CACNA1S: variants seen among roughly 807,000 people sequenced by gnomAD.
CACNA1S encodes voltage-dependent L-type calcium channel subunit alpha-1S.
In CACNA1S, 126 loss-of-function variants were observed where a neutral mutation model predicts 207.4. The observed-to-expected ratio is 0.61, with a 90% CI of 0.53 to 0.70. The LOEUF is 0.70. Ranked by LOEUF, CACNA1S falls within the 30% of genes least tolerant of loss-of-function variation. The probability of loss-of-function intolerance (pLI) is 0.00; values close to 1 mark genes in which losing one functional copy is unlikely to be tolerated. For synonymous variants in CACNA1S, 960 were observed against 932.7 expected, an observed-to-expected ratio of 1.03 and a Z score of -0.53; for missense variants, 2,349 against 2,422.8, an observed-to-expected ratio of 0.97 and a Z score of 0.64.
In CACNA1S at chr1:201,089,256, A is replaced by C; in HGVS notation, c.900+2T>G. The C allele has an allele frequency of 6.2e-7, 1 of 1,614,100 alleles. No individual in the cohort carries two copies. The highest frequency in any genetic ancestry group is 8.5e-7 in the Non-Finnish European group (1 of 1,179,916). On this transcript the variant is annotated splice_donor_variant, in intron 6 of 43. Transcript: ENST00000362061. LOFTEE classifies it high-confidence loss of function. Reference sequence around the variant, plus strand: ...GTTCTGCAGGCGCGGGCCCAGACCCACCCAGTAAAGGACGTCAGTCCATCC... The same window carrying C: ...GTTCTGCAGGCGCGGGCCCAGACCCCCCCAGTAAAGGACGTCAGTCCATCC...
In CACNA1S at chr1:201,092,025, G is replaced by A; in HGVS notation, c.488C>T (p.Ala163Val). ...TCTGAGCACTCGGAAGGCTCTGAGG[G>A]CCTTGACATCCAAGCCGGCTCCTTT... ...SSKGAGLDVK[A>V]LRAFRVLRPL... The change falls in exon 4 of 44, where the codon GCC becomes GTC. Residue 163 changes from alanine (A) to valine (V), a missense_variant. Ala to Val is a moderately conservative substitution (Grantham distance 64). Coordinates refer to ENST00000362061, the MANE Select transcript of CACNA1S (RefSeq NM_000069.3). 1.2e-6 allele frequency: 2 copies of A among 1,614,120 alleles called. No homozygotes were observed. The highest frequency in any genetic ancestry group is 1.7e-6 in the Non-Finnish European group (2 of 1,180,014).
rs1338661713 is a variant in CACNA1S, at chr1:201,091,717, A to G, written c.617T>C (p.Met206Thr). 2 of 1,614,124 alleles carry G rather than the reference A, an allele frequency of 1.2e-6. No homozygotes were observed. The highest frequency in any genetic ancestry group is 1.7e-6 in the Non-Finnish European group (2 of 1,179,954). ...CCCGATGATGGCATAGATGATGACC[A>G]TAAAGAGGACCAGCAGGGCGATGTG... ...LFHIALLVLF[M>T]VIIYAIIGLE... is the part of the protein sequence containing the mutation. The change falls in exon 5 of 44, where the codon ATG (methionine) becomes ACG (threonine). Residue 206 changes from methionine (M) to threonine (T), a missense_variant. Physicochemically the swap from Met to Thr is moderately conservative, Grantham distance 81 (BLOSUM62 -1). Coordinates refer to ENST00000362061, the MANE Select transcript of CACNA1S (RefSeq NM_000069.3).
chr1:201,054,833 A>G (rs1660781088), intron 28 of CACNA1S, among the ~76,000 whole-genome samples: 1 of 152,178 alleles, frequency 6.6e-6, no homozygotes, highest in South Asian at 2.1e-4. Flanking sequence ...ATCCCTTCTC[A>G]TTTTGGAGAT....
At chr1:201,109,068 C>T (rs972463202) in intron 2 of CACNA1S, among the ~76,000 whole-genome samples, 3 of 152,006 alleles carry the variant, frequency 2.0e-5, no homozygotes, top group Admixed American at 6.5e-5. Flanking sequence ...GCCAACATGG[C>T]GAAACCCCAT....
intron 41 of CACNA1S, among the ~76,000 whole-genome samples, chr1:201,041,148 C>T (rs573155142): frequency 1.3e-5 from 2 of 152,280 alleles, no homozygotes; most frequent in South Asian, 2.1e-4. Context: ...AGAGTCAAGA[C>T]GTCAGTGTGT....
chr1:201,044,172 C>T (rs1214904852), intron 39 of CACNA1S, among the ~76,000 whole-genome samples, 156 bp downstream of exon 39: 1 of 152,038 alleles, frequency 6.6e-6, no homozygotes, highest in African/African-American at 2.4e-5. Context: ...GATTCTGAGT[C>T]CCAGGAGAGG....
chr1:201,066,968 T>C lies in CACNA1S; in HGVS notation c.2576A>G (p.His859Arg). Residue 859 changes from histidine to arginine, a missense_variant, in exon 20 of 44, where the codon CAC (histidine) becomes CGC (arginine). His to Arg is a conservative substitution (Grantham distance 29). Coordinates refer to ENST00000362061, the MANE Select transcript of CACNA1S (RefSeq NM_000069.3). The surrounding 1 kb of genome is among the most constrained non-coding windows in gnomAD (Gnocchi z 4.3). ...GTAATTGCGGCAGAAGGAACCCTTG[T>C]GCAGGAAGGCTCCGTAGGTCGTCAT... ...LKMTTYGAFL[H>R]KGSFCRNYFN... is the part of the protein sequence containing the mutation. The C allele has an allele frequency of 1.2e-6, 2 of 1,614,116 alleles. No homozygotes were observed. The highest frequency in any genetic ancestry group is 1.1e-5 in the South Asian group (1 of 91,070).
chr1:201,074,929 T>C (rs775453620), intron 13 of CACNA1S, among the ~76,000 whole-genome samples: 4 of 152,210 alleles, frequency 2.6e-5, no homozygotes, highest in African/African-American at 4.8e-5. Context: ...GAGGCACACA[T>C]GAGTTGGGGA....
chr1:201,073,615 C>T lies in CACNA1S; in HGVS notation c.2091G>A (p.Glu697=). 6.2e-7 allele frequency: 1 copy of T among 1,614,226 alleles called. No individual in the cohort carries two copies. Among genetic ancestry groups the T allele is most frequent in the Non-Finnish European group, 8.5e-7 (1 of 1,180,030 alleles). The change falls in exon 15 of 44, where the codon GAG becomes GAA. Residue 697 remains glutamate (E), a synonymous_variant. Coordinates refer to ENST00000362061, the MANE Select transcript of CACNA1S (RefSeq NM_000069.3). ...SKGLPDKSEE[E]KSTMAKKLEQ... is the part of the protein sequence containing the mutation. The stretch of plus-strand genomic sequence containing the variant: ...CCAGCTTCTTGGCCATCGTTGACTT[C>T]TCCTCTTCTGACTTGTCTGGGAGAC...
At chr1:201,093,497 C>T (rs991470215) in intron 3 of CACNA1S, among the ~76,000 whole-genome samples, 45 of 152,260 alleles carry the variant, frequency 3.0e-4, no homozygotes, top group African/African-American at 1.1e-3. Flanking sequence ...TTTTGTGAAC[C>T]CAAATAACAG....
rs369449238 is a variant in CACNA1S, at chr1:201,073,525, A to C, written c.2157+24T>G. 20 of 1,582,414 alleles carry C rather than the reference A, an allele frequency of 1.3e-5. No homozygotes were observed. The African/African-American group carries it at 2.4e-4, about 19-fold the overall frequency. ...TTGGAAGAGCCCCTAGACTGCCTCT[A>C]ACATCCCCACCTGAGGTGCTCACCT... On this transcript the variant is annotated intron_variant, in intron 15 of 43. Transcript: ENST00000362061.
intron 28 of CACNA1S, 136 bp downstream of exon 28, chr1:201,058,272 C>A (rs1464358122): frequency 1.3e-6 from 1 of 774,698 alleles, no homozygotes; most frequent in African/African-American, 1.7e-5. Flanking sequence ...AGGGCAGAAG[C>A]CGTGACTTGT....
chr1:201,055,728 A>G (rs1558059281), intron 28 of CACNA1S, among the ~76,000 whole-genome samples: 1 of 152,124 alleles, frequency 6.6e-6, no homozygotes, highest in South Asian at 2.1e-4. Flanking sequence ...CCTGGTTTGT[A>G]CATCAGGTAT....
intron 31 of CACNA1S, 137 bp from the exon 32 acceptor site, chr1:201,052,785 G>A (rs1314444187): frequency 6.9e-6 from 5 of 724,884 alleles, no homozygotes; most frequent in Admixed American, 2.2e-5. Flanking sequence ...GGCCACATCA[G>A]ACCTGAAGCC....
At chr1:201,041,787 C>A in intron 40 of CACNA1S, 198 bp from the exon 41 acceptor site, 3 of 652,312 alleles carry the variant, frequency 4.6e-6, no homozygotes, top group Non-Finnish European at 8.4e-6. Context: ...GAGTCCAGAG[C>A]ATTCCTGACT....
rs117017143 is a variant in CACNA1S at position 201,083,555 on chromosome 1, C to T, written c.1233-233G>A. 1.3e-3 allele frequency among the ~76,000 whole-genome samples: 191 copies of T among 152,270 alleles called. 1 individual carries two copies. In the East Asian group the frequency reaches 0.026, roughly 21 times the overall value. On this transcript the variant is annotated intron_variant, in intron 9 of 43. Transcript: ENST00000362061. ...CGAGGCAATGGAATGAGAGGATGCA[C>T]GCAAAATGCTTAGCACAAGTGCCTG...
intron 1 of CACNA1S, among the ~76,000 whole-genome samples, chr1:201,110,495 T>C (rs1205982483): frequency 6.6e-6 from 1 of 152,286 alleles, no homozygotes; most frequent in Middle Eastern, 3.4e-3. Context: ...CAAGTCACTT[T>C]CATGTAGACT....
At chr1:201,079,424 A>G (rs1403944666) in intron 10 of CACNA1S, among the ~76,000 whole-genome samples, 1 of 152,092 alleles carries the variant, frequency 6.6e-6, no homozygotes, top group Admixed American at 6.5e-5. Context: ...TTTTTCAAGC[A>G]TTCTGTCCTT....
intron 2 of CACNA1S, among the ~76,000 whole-genome samples, chr1:201,100,111 G>A (rs1448730442): frequency 6.6e-6 from 1 of 152,242 alleles, no homozygotes; most frequent in Non-Finnish European, 1.5e-5. Flanking sequence ...TAGCTGCAGT[G>A]ATCCCTCTCC....
Sources: gnomAD v4.1 joint callset for allele counts (sites outside exome capture counted in the v4.1 genomes callset) on GRCh38, gnomAD v4.1.1 for gene constraint, Gnocchi (gnomAD v3.1) non-coding constraint, MANE v1.5 for transcripts, NCBI Gene and HGNC (gene_info 2026-07-23, HGNC 2026-07-21) for gene names.